Variants in CFAP221 observed in about 807,000 individuals in gnomAD.
CFAP221 encodes cilia- and flagella-associated protein 221.
A neutral mutation model predicts 113.1 loss-of-function variants in CFAP221; 97 were observed. The ratio of observed to expected loss-of-function variants is 0.86; its 90% CI spans 0.73 to 1.02. CFAP221 has a LOEUF of 1.02. Among genes scored for constraint, CFAP221 ranks in the 50% least tolerant of loss-of-function variants. The pLI is 0.00. For missense variants in CFAP221, 1,025 were observed against 1,013.4 expected, an observed-to-expected ratio of 1.01 and a Z score of -0.16; for synonymous variants, 331 against 354.4, an observed-to-expected ratio of 0.93 and a Z score of 0.74.
At chr2:119,636,756 G>A (rs1463233519) in intron 19 of CFAP221, among the ~76,000 whole-genome samples, 1 of 152,210 alleles carries the variant, frequency 6.6e-6, no homozygotes, top group South Asian at 2.1e-4. Context: ...GAGGTGAGTC[G>A]CTACCACATG....
chr2:119,614,366 G>A (rs1286134718), intron 13 of CFAP221, among the ~76,000 whole-genome samples: 1 of 152,152 alleles, frequency 6.6e-6, no homozygotes, highest in African/African-American at 2.4e-5. Flanking sequence ...TACCAATTTA[G>A]TGTATTAATT....
At chr2:119,572,591 G>GC (rs1200373637) in intron 6 of CFAP221, 1 of 700,364 alleles carries the variant, frequency 1.4e-6, no homozygotes, top group Admixed American at 2.0e-5. Flanking sequence ...ACTTGGAGCA[G>GC]GTCCAGTTGG....
chr2:119,608,080 A>C (rs1684894136), intron 11 of CFAP221, among the ~76,000 whole-genome samples: 1 of 152,186 alleles, frequency 6.6e-6, no homozygotes, highest in Non-Finnish European at 1.5e-5. Context: ...TTGTGGTGCC[A>C]CCAAACTGTT....
intron 7 of CFAP221, among the ~76,000 whole-genome samples, chr2:119,595,902 C>A (rs1683932284): frequency 6.6e-6 from 1 of 151,868 alleles, no homozygotes; most frequent in African/African-American, 2.4e-5. Context: ...GAGGAAGCAA[C>A]CCACACAGGG....
chr2:119,547,545 C>T (rs951684304), intron 2 of CFAP221, among the ~76,000 whole-genome samples: 3 of 151,948 alleles, frequency 2.0e-5, no homozygotes, highest in African/African-American at 7.3e-5. Flanking sequence ...GGCAACAGAG[C>T]GAGACTCCCT....
At chr2:119,642,119 T>A (rs1687529298) in intron 21 of CFAP221, among the ~76,000 whole-genome samples, 1 of 152,216 alleles carries the variant, frequency 6.6e-6, no homozygotes, top group Admixed American at 6.5e-5. Context: ...CCATGAGTTG[T>A]TACTTTCAGC....
At chr2:119,586,288 A>G (rs1372806022) in intron 6 of CFAP221, among the ~76,000 whole-genome samples, 1 of 152,138 alleles carries the variant, frequency 6.6e-6, no homozygotes, top group Non-Finnish European at 1.5e-5. Context: ...ACCTGCCCCC[A>G]GCACTGCACA....
intron 19 of CFAP221, among the ~76,000 whole-genome samples, chr2:119,635,581 G>C (rs1442531270): frequency 6.6e-6 from 1 of 152,044 alleles, no homozygotes; most frequent in Non-Finnish European, 1.5e-5. Context: ...AACTCTTGGG[G>C]GTGATGGAAA....
chr2:119,660,157 C>T (rs1688560019), downstream of CFAP221: 1 of 152,268 alleles, frequency 6.6e-6, no homozygotes, highest in Non-Finnish European at 1.5e-5. Context: ...TCTTATTTCC[C>T]TGCTCTCCCC....
At chr2:119,605,847 G>T (rs1266589607) in intron 11 of CFAP221, among the ~76,000 whole-genome samples, 3 of 151,906 alleles carry the variant, frequency 2.0e-5, no homozygotes, top group Non-Finnish European at 4.4e-5. Context: ...TTTTGAGAAA[G>T]GGTGTCACTC....
At chr2:119,648,988 G>A (rs560363572) in intron 22 of CFAP221, among the ~76,000 whole-genome samples, 79 of 152,346 alleles carry the variant, frequency 5.2e-4, no homozygotes, top group South Asian at 1.5e-3. Context: ...TCCTGCGCTG[G>A]TAGCAGTTAC....
intron 16 of CFAP221, among the ~76,000 whole-genome samples, 177 bp downstream of exon 16, chr2:119,627,963 C>A (rs1427380562): frequency 6.6e-6 from 1 of 152,194 alleles, no homozygotes; most frequent in East Asian, 1.9e-4. Context: ...ATCTGCCTTG[C>A]TCCTGATACA....
chr2:119,645,814 C>T (rs910104828), intron 21 of CFAP221, among the ~76,000 whole-genome samples: 10 of 152,140 alleles, frequency 6.6e-5, no homozygotes, highest in East Asian at 5.8e-4. Context: ...TGTCATTCTT[C>T]GCTGTTTTTC....
At chr2:119,575,074 G>T (rs1033890080) in intron 6 of CFAP221, among the ~76,000 whole-genome samples, 15 of 152,166 alleles carry the variant, frequency 9.9e-5, no homozygotes, top group Non-Finnish European at 1.8e-4. Flanking sequence ...GGGTCATTTA[G>T]CTCTGAGGAA....
At chr2:119,635,406 C>G (rs1558983759) in intron 19 of CFAP221, among the ~76,000 whole-genome samples, 1 of 152,026 alleles carries the variant, frequency 6.6e-6, no homozygotes, top group African/African-American at 2.4e-5. Context: ...TAAAAGAAAT[C>G]AGACAAAAAA....
chr2:119,598,523 C>T (rs529326028), intron 7 of CFAP221, among the ~76,000 whole-genome samples: 2 of 152,180 alleles, frequency 1.3e-5, no homozygotes, highest in African/African-American at 4.8e-5. Flanking sequence ...TTCCACATTA[C>T]CCCTGGTTAT....
intron 19 of CFAP221, among the ~76,000 whole-genome samples, chr2:119,635,351 A>G (rs1042935590): frequency 2.0e-5 from 3 of 152,230 alleles, no homozygotes; most frequent in Non-Finnish European, 2.9e-5. Flanking sequence ...TTGTGCAAGA[A>G]TATTCATAGC....
Position 119,654,311 on chromosome 2 carries a change from C to T in CFAP221, c.2415-2051C>T, listed in dbSNP as rs565120081. Among the ~76,000 whole-genome samples, 9 of 152,172 alleles carry T rather than the reference C, an allele frequency of 5.9e-5. No homozygotes were observed. In the South Asian group the frequency reaches 1.7e-3, roughly 28 times the overall value. ...TTAATAGAATATTGTGTTCTGCTAC[C>T]CAGCACATAAAACCTCTTGCACCTC... On this transcript the variant is annotated intron_variant, in intron 23 of 23. Transcript: ENST00000413369.
chr2:119,629,174 G>A (rs1686586508), intron 16 of CFAP221, among the ~76,000 whole-genome samples: 1 of 152,148 alleles, frequency 6.6e-6, no homozygotes, highest in African/African-American at 2.4e-5. Flanking sequence ...TTTAGTGATG[G>A]TGTATTAGAT....
Sources: allele counts gnomAD v4.1 joint callset (sites outside exome capture counted in the v4.1 genomes callset), GRCh38; gene constraint gnomAD v4.1.1; transcripts MANE v1.5; gene names NCBI Gene and HGNC (gene_info 2026-07-23, HGNC 2026-07-21).